FCGR3B: variants seen among roughly 807,000 people sequenced by gnomAD.
The protein encoded by FCGR3B is Fc gamma receptor IIIb, also known as low affinity immunoglobulin gamma Fc region receptor III-B.
In FCGR3B, 20 loss-of-function variants were observed where a neutral mutation model predicts 26.7. The observed-to-expected ratio is 0.75, with a 90% CI of 0.53 to 1.09. The LOEUF (loss-of-function observed/expected upper bound fraction) is 1.09, where lower values mean the gene tolerates loss of function less well. FCGR3B is among the 50% of genes least tolerant of loss of function. The probability of loss-of-function intolerance (pLI) is 0.00; values close to 1 mark genes in which losing one functional copy is unlikely to be tolerated. For synonymous variants in FCGR3B, 79 were observed against 107.0 expected (o/e 0.74, Z 1.62); for missense variants, 191 against 279.7 (o/e 0.68, Z 2.26).
intron 3 of FCGR3B, 131 bp downstream of exon 3, chr1:161,629,647 C>T (rs1189088494): frequency 4.8e-6 from 2 of 418,798 alleles, no homozygotes; most frequent in Non-Finnish European, 6.8e-6. Flanking sequence ...TGATACCATT[C>T]AGTGGGACCA....
At position 161,626,424 on chromosome 1, in the gene FCGR3B, C is replaced by T. The variant is rs539705232; in HGVS notation, c.320-22G>A. ...CAGCCTGAAAGACACAGAGACACCC[C>T]AGGCCCGGGAGGCCTCAGCTCTCAG... On this transcript the variant is annotated intron_variant, in intron 3 of 4. Coordinates refer to ENST00000650385, the MANE Select transcript of FCGR3B (RefSeq NM_001244753.2). The T allele has an allele frequency of 3.4e-5, 54 of 1,607,578 alleles. No homozygotes were observed. In the East Asian group the frequency reaches 5.6e-4, roughly 17 times the overall value.
At chr1:161,626,511 T>C (rs1462252832) in intron 3 of FCGR3B, 109 bp from the exon 4 acceptor site, 2 of 981,950 alleles carry the variant, frequency 2.0e-6, no homozygotes. Context: ...GAAAGCCAGA[T>C]TGGGAGTCAA....
rs748192789 is a variant in FCGR3B at position 161,626,386 on chromosome 1, C to T, written c.336G>A (p.Gln112=). 14 of 1,609,224 alleles carry T rather than the reference C, an allele frequency of 8.7e-6. 2 individuals are homozygous for T. In the East Asian group the frequency reaches 1.3e-4, roughly 15 times the overall value. The change falls in exon 4 of 5, where the codon CAG becomes CAA. Residue 112 remains glutamine (Q), a synonymous_variant. Coordinates refer to ENST00000650385, the MANE Select transcript of FCGR3B (RefSeq NM_001244753.2). ...CCTCCTTGAACACCCACCGAGGGGCCTGGAGCAACAGCCAGCCTGAAAGAC... is the reference window on the plus strand; with the variant it reads ...CCTCCTTGAACACCCACCGAGGGGCTTGGAGCAACAGCCAGCCTGAAAGAC... The part of the protein sequence containing the change: ...LEVHIGWLLL[Q]APRWVFKEED...
chr1:161,631,181 T>A (rs561612675), upstream of FCGR3B: 504 of 1,604,900 alleles, frequency 3.1e-4, 26 homozygotes, highest in Non-Finnish European at 3.0e-4. Flanking sequence ...GTAAACAGCC[T>A]TTCCCCAGTC....
intron 1 of FCGR3B, chr1:161,630,769 CAGA>C (rs1468306361): frequency 3.3e-6 from 2 of 598,850 alleles, no homozygotes; most frequent in African/African-American, 3.9e-5. Flanking sequence ...CTGAAAGAGA[CAGA>C]CCCTAGGGAC....
chr1:161,631,480 G>C (rs1570989803), upstream of FCGR3B: 3 of 492,786 alleles, frequency 6.1e-6, no homozygotes, highest in South Asian at 3.8e-5. Flanking sequence ...CAAGACCCTG[G>C]GGATGAGATT....
chr1:161,624,954 T>C lies in FCGR3B; in HGVS notation c.578-315A>G, dbSNP rs1019171567. On this transcript the variant is annotated intron_variant, in intron 4 of 4. Coordinates refer to ENST00000650385, the MANE Select transcript of FCGR3B (RefSeq NM_001244753.2). ...GTTAAGAAATTGTCAGACAATGCTA[T>C]GGTCTAGAAACTGGGATAAATTTGT... Among the ~76,000 whole-genome samples, 297 of 139,990 alleles carry C rather than the reference T, an allele frequency of 2.1e-3. 14 individuals carry two copies. Among genetic ancestry groups the C allele is most frequent in the Non-Finnish European group, 3.9e-3 (248 of 63,450 alleles). The allele number at this position is 139,990 out of a possible 152,430, so 91.8% of individuals were successfully genotyped here.
chr1:161,626,135 C>T lies in FCGR3B; in HGVS notation c.577+10G>A, dbSNP rs760874126. 14 of 1,607,008 alleles carry T rather than the reference C, an allele frequency of 8.7e-6. No individual in the cohort carries two copies. Among genetic ancestry groups the T allele is most frequent in the Middle Eastern group, 3.4e-4 (2 of 5,966 alleles). On this transcript the variant is annotated intron_variant, in intron 4 of 4. Transcript: ENST00000650385. ...CGTCCCTGGGCATTCCAGGGTGGCA[C>T]ATGTCTCACCTTGAGTGATGGTGAT...
Position 161,631,169 on chromosome 1 carries a change from G to A in FCGR3B, c.-75C>T, listed in dbSNP as rs773064890. 199 of 1,606,414 alleles carry A rather than the reference G, an allele frequency of 1.2e-4. 6 individuals are homozygous for A. The highest frequency in any genetic ancestry group is 1.8e-4 in the South Asian group (16 of 89,992). On this transcript the variant is annotated 5_prime_UTR_variant, in exon 1 of 5. Coordinates refer to ENST00000650385, the MANE Select transcript of FCGR3B (RefSeq NM_001244753.2). Reference sequence around the variant, plus strand: ...GGGACCAAGCCGACTAGACAGGAGGGAGTAAACAGCCTTTCCCCAGTCCCT... The same window carrying A: ...GGGACCAAGCCGACTAGACAGGAGGAAGTAAACAGCCTTTCCCCAGTCCCT...
At chr1:161,628,919 T>C (rs1365023066) in intron 3 of FCGR3B, among the ~76,000 whole-genome samples, 1 of 132,378 alleles carries the variant, frequency 7.6e-6, no homozygotes, top group East Asian at 2.6e-4. Flanking sequence ...ATGTCATGAT[T>C]AATGTGCAGG....
intron 3 of FCGR3B, among the ~76,000 whole-genome samples, chr1:161,628,042 A>G (rs1191371807): frequency 3.3e-5 from 5 of 149,934 alleles, no homozygotes; most frequent in Non-Finnish European, 7.4e-5. Flanking sequence ...GGGAGGCTGA[A>G]GTAGGCAGAT....
At chr1:161,627,341 A>G (rs1679516413) in intron 3 of FCGR3B, among the ~76,000 whole-genome samples, 1 of 150,284 alleles carries the variant, frequency 6.7e-6, no homozygotes, top group South Asian at 2.1e-4. Context: ...ACCAAAGGAC[A>G]TTTTAAATTT....
At chr1:161,624,866 G>T (rs1333716334) in intron 4 of FCGR3B, among the ~76,000 whole-genome samples, 1 of 147,196 alleles carries the variant, frequency 6.8e-6, no homozygotes, top group Non-Finnish European at 1.5e-5. Flanking sequence ...GCTCCTGCTT[G>T]TTTGACAGAG....
rs779163663 is a variant in FCGR3B, at chr1:161,624,512, G to A, written c.*3C>T. On this transcript the variant is annotated 3_prime_UTR_variant, in exon 5 of 5. Transcript: ENST00000650385. ...TATGGTCCTTCCAGTCTCTTGTTGA[G>A]CTTCAAATGTTTGTCTTCACAGAGA... is the stretch of plus-strand genomic sequence containing the variant. 1 of 1,606,874 alleles carries A rather than the reference G, an allele frequency of 6.2e-7. No individual in the cohort carries two copies. Among genetic ancestry groups the A allele is most frequent in the East Asian group, 2.2e-5 (1 of 44,740 alleles).
rs188904436 is a variant in FCGR3B, at chr1:161,626,220, C to A, written c.502G>T (p.Gly168Cys). Reference protein sequence around the residue: ...HIPKATLKDSGSYFCRGLVGS... With the variant: ...HIPKATLKDSCSYFCRGLVGS... ...ACAAGCCCCCTGCAGAAGTAGGAGCCGCTATCTTTGAGTGTGGCTTTTGGA... is the reference window on the plus strand; with the variant it reads ...ACAAGCCCCCTGCAGAAGTAGGAGCAGCTATCTTTGAGTGTGGCTTTTGGA... Residue 168 changes from glycine to cysteine, a missense_variant, in exon 4 of 5, where the codon GGC becomes TGC. Gly to Cys is a radical substitution (Grantham distance 159). Around this residue, in one of 2 missense-constraint regions of FCGR3B, gnomAD observed 103 missense variants for 114.5 expected, o/e 0.90. Coordinates refer to ENST00000650385, the MANE Select transcript of FCGR3B (RefSeq NM_001244753.2). The A allele has an allele frequency of 4.4e-6, 7 of 1,608,468 alleles. No individual in the cohort carries two copies. The highest frequency in any genetic ancestry group is 5.9e-6 in the Non-Finnish European group (7 of 1,177,614).
At position 161,631,146 on chromosome 1, in the gene FCGR3B, G is replaced by A. The variant is rs1679729300; in HGVS notation, c.-52C>T. ...CCAAAGATATCCGGAGCCCTAAAGG[G>A]ACCAAGCCGACTAGACAGGAGGGAG... On this transcript the variant is annotated 5_prime_UTR_variant, in exon 1 of 5. Coordinates refer to ENST00000650385, the MANE Select transcript of FCGR3B (RefSeq NM_001244753.2). The A allele has an allele frequency of 8.1e-6, 13 of 1,607,546 alleles. No homozygotes were observed. The highest frequency in any genetic ancestry group is 1.1e-5 in the Non-Finnish European group (13 of 1,177,330).
chr1:161,630,854 C>G (rs1271666274), intron 1 of FCGR3B: 7 of 1,300,500 alleles, frequency 5.4e-6, no homozygotes, highest in African/African-American at 1.6e-5. Flanking sequence ...TGGCCTCACT[C>G]ATGACTATGA....
chr1:161,630,706 C>T (rs1432385251), intron 1 of FCGR3B: 14 of 541,930 alleles, frequency 2.6e-5, no homozygotes, highest in Non-Finnish European at 4.2e-5. Flanking sequence ...CCCATATCCC[C>T]ACAAGAAAGG....
At position 161,624,248 on chromosome 1, in the gene FCGR3B, A is replaced by G; in HGVS notation, c.*267T>C. On this transcript the variant is annotated 3_prime_UTR_variant, in exon 5 of 5. Coordinates refer to ENST00000650385, the MANE Select transcript of FCGR3B (RefSeq NM_001244753.2). The stretch of plus-strand genomic sequence containing the variant: ...TCAATTTCTAGGAATGCAGCTACTC[A>G]CTGGGGCTTCCCTGCTTGAAGATCA... The G allele has an allele frequency of 2.3e-6, 1 of 429,464 alleles. No individual in the cohort carries two copies. Among genetic ancestry groups the G allele is most frequent in the Non-Finnish European group, 4.3e-6 (1 of 235,180 alleles). The allele number at this position is 429,464 out of a possible 1,614,324, so 26.6% of individuals were successfully genotyped here.
Sources: allele counts gnomAD v4.1 joint callset (sites outside exome capture counted in the v4.1 genomes callset), GRCh38; gene constraint gnomAD v4.1.1; regional missense constraint gnomAD v4.1.1; transcripts MANE v1.5; gene names NCBI Gene and HGNC (gene_info 2026-07-23, HGNC 2026-07-21).